The following CSGALNACT1 variants were observed in gnomAD, a reference collection of about 807,000 sequenced individuals.
The protein encoded by CSGALNACT1 is chondroitin sulfate N-acetylgalactosaminyltransferase 1, also known as beta4GalNAcT-1.
Under a neutral mutation model 51.0 loss-of-function variants are expected in CSGALNACT1, and 52 were observed. That is an observed-to-expected ratio of 1.02 (90% CI 0.82 to 1.29). The LOEUF is 1.29. CSGALNACT1 is among the 50% of genes most tolerant of loss of function. The pLI, the probability that CSGALNACT1 is intolerant of heterozygous loss-of-function variation, is 0.00. For missense variants in CSGALNACT1, 935 were observed against 679.2 expected, an observed-to-expected ratio of 1.38 and a Z score of -4.19; for synonymous variants, 341 against 254.4, an observed-to-expected ratio of 1.34 and a Z score of -3.24.
At chr8:19,496,075 C>T (rs2153974611) in intron 4 of CSGALNACT1, among the ~76,000 whole-genome samples, 1 of 152,258 alleles carries the variant, frequency 6.6e-6, no homozygotes, top group African/African-American at 2.4e-5. Flanking sequence ...TTCAACACCA[C>T]CAATTTGGAG....
At chr8:19,574,756 A>T (rs1409597539) in intron 3 of CSGALNACT1, among the ~76,000 whole-genome samples, 1 of 151,910 alleles carries the variant, frequency 6.6e-6, no homozygotes, top group Non-Finnish European at 1.5e-5. Flanking sequence ...CTCCGGCCAG[A>T]TGTGGTGGCT....
chr8:19,729,187 C>T (rs1191384025), intron 1 of CSGALNACT1, among the ~76,000 whole-genome samples: 2 of 151,694 alleles, frequency 1.3e-5, no homozygotes, highest in Non-Finnish European at 2.9e-5. Flanking sequence ...AAAATTAATA[C>T]ATACACTCAG....
rs550836732 is a variant in CSGALNACT1, at chr8:19,592,827, T to C, written c.-415-1549A>G. Among the ~76,000 whole-genome samples, 207 of 152,282 alleles carry C rather than the reference T, an allele frequency of 1.4e-3. 1 individual carries two copies. Among genetic ancestry groups the C allele is most frequent in the African/African-American group, 4.0e-3 (168 of 41,562 alleles). ...ATGTAAAATGTTAACAACAGGTCAA[T>C]CTAAGTAAAGAACACATAAGTTCTT... is the stretch of plus-strand genomic sequence containing the variant. On this transcript the variant is annotated intron_variant, in intron 2 of 9. Coordinates refer to ENST00000454498, the Ensembl canonical transcript of CSGALNACT1.
At chr8:19,511,636 C>T (rs2078487224) in intron 3 of CSGALNACT1, among the ~76,000 whole-genome samples, 1 of 152,162 alleles carries the variant, frequency 6.6e-6, no homozygotes. Context: ...CTCAATGGTC[C>T]CTGCCTCCTG....
intron 3 of CSGALNACT1, among the ~76,000 whole-genome samples, chr8:19,549,647 A>G (rs1036109673): frequency 1.4e-5 from 2 of 138,610 alleles, no homozygotes; most frequent in African/African-American, 5.5e-5. Flanking sequence ...CACTTTCCCC[A>G]ATTTCCTACT....
upstream of CSGALNACT1, among the ~76,000 whole-genome samples, chr8:19,605,640 G>T (rs138880374): frequency 8.5e-5 from 13 of 152,100 alleles, no homozygotes; most frequent in Admixed American, 2.0e-4. Context: ...CAGGATGTGC[G>T]TGAGAGCGGC....
chr8:19,514,893 C>T (rs1218095561), intron 3 of CSGALNACT1, among the ~76,000 whole-genome samples: 2 of 152,016 alleles, frequency 1.3e-5, no homozygotes, highest in Non-Finnish European at 2.9e-5. Context: ...TATGTATTTA[C>T]AATATATCTA....
In CSGALNACT1 at chr8:19,729,232, T is replaced by C. The variant is rs564372180; in HGVS notation, c.-297+28618A>G. On this transcript the variant is annotated intron_variant, in intron 1 of 1. Coordinates refer to the CSGALNACT1 transcript ENST00000517494. ...AGCACATTAAACCAAAGGAATTAAA[T>C]AATGGAGTTAAGAAGGACTCTCAGC... Among the ~76,000 whole-genome samples the C allele has an allele frequency of 9.9e-5, 15 of 152,272 alleles. No homozygotes were observed. In the South Asian group the frequency reaches 1.9e-3, roughly 19 times the overall value.
intron 6 of CSGALNACT1, among the ~76,000 whole-genome samples, chr8:19,421,940 A>G (rs1407551611): frequency 6.6e-6 from 1 of 152,170 alleles, no homozygotes; most frequent in Non-Finnish European, 1.5e-5. Context: ...ATCCAGGACT[A>G]GAACTGTGCC....
chr8:19,609,773 G>A (rs1195462145), intron 1 of CSGALNACT1, among the ~76,000 whole-genome samples: 1 of 152,132 alleles, frequency 6.6e-6, no homozygotes, highest in African/African-American at 2.4e-5. Flanking sequence ...AGTTTCATAT[G>A]TGTATACATA....
intron 1 of CSGALNACT1, among the ~76,000 whole-genome samples, chr8:19,674,952 T>G (rs538385366): frequency 6.6e-6 from 1 of 152,190 alleles, no homozygotes; most frequent in Admixed American, 6.5e-5. Context: ...CATCTTGAAG[T>G]CGGGGAAGAC....
chr8:19,675,252 G>T (rs374916267), intron 1 of CSGALNACT1, among the ~76,000 whole-genome samples: 4 of 152,282 alleles, frequency 2.6e-5, no homozygotes, highest in African/African-American at 9.6e-5. Flanking sequence ...AATCAGGCAG[G>T]ATGTAGAGAG....
At chr8:19,704,884 T>C (rs1306365389) in intron 1 of CSGALNACT1, among the ~76,000 whole-genome samples, 1 of 152,108 alleles carries the variant, frequency 6.6e-6, no homozygotes, top group African/African-American at 2.4e-5. Flanking sequence ...AATATGGAAG[T>C]TTTAAAAGTT....
intron 1 of CSGALNACT1, among the ~76,000 whole-genome samples, chr8:19,628,365 T>G (rs935332793): frequency 4.6e-5 from 7 of 152,184 alleles, no homozygotes; most frequent in Non-Finnish European, 4.4e-5. Context: ...TCAGCTCTCA[T>G]GAGGACTCCC....
chr8:19,665,823 G>A (rs1415058940), intron 1 of CSGALNACT1, among the ~76,000 whole-genome samples: 3 of 152,060 alleles, frequency 2.0e-5, no homozygotes, highest in African/African-American at 4.8e-5. Flanking sequence ...TGTGTTCTTC[G>A]CTACGTAAAC....
chr8:19,476,920 G>C (rs965926438), intron 4 of CSGALNACT1, among the ~76,000 whole-genome samples: 1 of 152,144 alleles, frequency 6.6e-6, no homozygotes, highest in Non-Finnish European at 1.5e-5. Context: ...CTTCCCATGA[G>C]GTCCCGAGCC....
At chr8:19,730,769 A>G (rs2063648488) in intron 1 of CSGALNACT1, among the ~76,000 whole-genome samples, 2 of 152,172 alleles carry the variant, frequency 1.3e-5, no homozygotes, top group African/African-American at 4.8e-5. Flanking sequence ...ATGTCCTTTA[A>G]TAAGTCCCTG....
intron 1 of CSGALNACT1, among the ~76,000 whole-genome samples, chr8:19,689,666 T>A (rs189904672): frequency 1.4e-3 from 212 of 152,350 alleles, no homozygotes; most frequent in African/African-American, 4.9e-3. Flanking sequence ...ACTGAGCTCC[T>A]GCTCTAGGCT....
chr8:19,690,956 G>A (rs1445262998), intron 1 of CSGALNACT1, among the ~76,000 whole-genome samples: 1 of 152,196 alleles, frequency 6.6e-6, no homozygotes, highest in Non-Finnish European at 1.5e-5. Flanking sequence ...ACTGGGCACT[G>A]TGGCTCATGT....
Sources: gnomAD v4.1 joint callset for allele counts (sites outside exome capture counted in the v4.1 genomes callset) on GRCh38, gnomAD v4.1.1 for gene constraint, MANE v1.5 for transcripts, NCBI Gene and HGNC (gene_info 2026-07-23, HGNC 2026-07-21) for gene names.